The following CUL3 variants were observed in gnomAD, a reference collection of about 807,000 sequenced individuals.
CUL3 encodes cullin 3.
CUL3 carries 19 observed loss-of-function variants against 89.1 expected under a neutral mutation model. That is an observed-to-expected ratio of 0.21 (90% CI 0.15 to 0.31). The LOEUF (loss-of-function observed/expected upper bound fraction) is 0.31. Among genes scored for constraint, CUL3 ranks in the 10% least tolerant of loss-of-function variants. The probability of loss-of-function intolerance (pLI) is 1.00; values close to 1 mark genes in which losing one functional copy is unlikely to be tolerated. For missense variants in CUL3, 469 were observed against 942.3 expected, an observed-to-expected ratio of 0.50 and a Z score of 6.58; for synonymous variants, 351 against 308.4, an observed-to-expected ratio of 1.14 and a Z score of -1.45.
At chr2:224,513,818 A>AT (rs1280150215) in intron 4 of CUL3, among the ~76,000 whole-genome samples, 180 bp from the exon 5 acceptor site, 1 of 152,222 alleles carries the variant, frequency 6.6e-6, no homozygotes, top group African/African-American at 2.4e-5. Flanking sequence ...GTTGGAAAGC[A>AT]TATCTTGACT....
chr2:224,545,605 T>C (rs890016390), intron 2 of CUL3, among the ~76,000 whole-genome samples: 17 of 152,210 alleles, frequency 1.1e-4, no homozygotes, highest in African/African-American at 4.1e-4. Context: ...ATACAAAGTA[T>C]TTCCCCAGAC....
chr2:224,544,254 T>A (rs1361450879), intron 2 of CUL3, among the ~76,000 whole-genome samples: 2 of 152,228 alleles, frequency 1.3e-5, no homozygotes, highest in Non-Finnish European at 2.9e-5. Flanking sequence ...TAGTTTTGTA[T>A]GATTTTTTAA....
chr2:224,474,836 T>A (rs1023476401), intron 15 of CUL3, among the ~76,000 whole-genome samples: 2 of 152,178 alleles, frequency 1.3e-5, no homozygotes, highest in Non-Finnish European at 2.9e-5. Context: ...TTAACAGATG[T>A]AACGCCTTAG....
intron 15 of CUL3, among the ~76,000 whole-genome samples, chr2:224,475,096 C>A (rs1691266209): frequency 1.3e-5 from 2 of 152,172 alleles, no homozygotes; most frequent in Non-Finnish European, 2.9e-5. Context: ...CCGCTCACTG[C>A]AAGCTCCGCC....
intron 3 of CUL3, 61 bp from the exon 4 acceptor site, chr2:224,514,833 C>T: frequency 8.8e-7 from 1 of 1,139,302 alleles, no homozygotes. Context: ...TTATTGTGTG[C>T]TACAATAACA....
chr2:224,541,616 A>G (rs944252846), intron 2 of CUL3, among the ~76,000 whole-genome samples: 3 of 152,214 alleles, frequency 2.0e-5, no homozygotes, highest in Non-Finnish European at 4.4e-5. Context: ...TCACACACAA[A>G]TGTTCATAGC....
chr2:224,584,648 G>C (rs1695530700), intron 1 of CUL3, among the ~76,000 whole-genome samples: 1 of 151,474 alleles, frequency 6.6e-6, no homozygotes, highest in South Asian at 2.1e-4. Flanking sequence ...GGGAGGCGTG[G>C]GGCGGCCGAG....
chr2:224,495,788 G>A (rs764833528), intron 13 of CUL3, 44 bp downstream of exon 13: 1 of 1,525,004 alleles, frequency 6.6e-7, no homozygotes, highest in Non-Finnish European at 9.0e-7. Context: ...ACAAGTGAGA[G>A]TTAGAAACAA....
At chr2:224,491,183 C>T (rs1190707726) in intron 13 of CUL3, among the ~76,000 whole-genome samples, 1 of 152,098 alleles carries the variant, frequency 6.6e-6, no homozygotes, top group African/African-American at 2.4e-5. Context: ...ATATTTTGGA[C>T]ATTTCATTTC....
intron 1 of CUL3, among the ~76,000 whole-genome samples, chr2:224,564,985 G>A (rs1279004715): frequency 1.3e-5 from 2 of 152,020 alleles, no homozygotes; most frequent in Non-Finnish European, 2.9e-5. Context: ...AAGTACTACT[G>A]ACATTAACCC....
intron 3 of CUL3, among the ~76,000 whole-genome samples, chr2:224,518,919 T>C (rs747943263): frequency 6.6e-6 from 1 of 152,216 alleles, no homozygotes; most frequent in Non-Finnish European, 1.5e-5. Context: ...GCCTACAATG[T>C]CTGCTATCTT....
chr2:224,479,299 G>A (rs1691442658), intron 14 of CUL3: 1 of 150,518 alleles, frequency 6.6e-6, no homozygotes, highest in Admixed American at 6.6e-5. Context: ...GAATCCTTTG[G>A]ATAAAAATAC....
intron 7 of CUL3, 31 bp downstream of exon 7, chr2:224,506,827 T>C: frequency 6.2e-7 from 1 of 1,608,110 alleles, no homozygotes; most frequent in Non-Finnish European, 8.5e-7. Flanking sequence ...GCCTTTATCA[T>C]AAACACAGAG....
intron 12 of CUL3, among the ~76,000 whole-genome samples, chr2:224,496,741 C>T (rs1407958919): frequency 1.3e-5 from 2 of 152,100 alleles, no homozygotes; most frequent in Non-Finnish European, 2.9e-5. Flanking sequence ...TTCTCAAAGC[C>T]TATTCCTGCT....
intron 14 of CUL3, chr2:224,479,202 G>C (rs548068415): frequency 2.0e-4 from 31 of 152,304 alleles, no homozygotes; most frequent in African/African-American, 7.2e-4. Flanking sequence ...GCTGACTGAG[G>C]CATGGGCATA....
chr2:224,576,904 A>G (rs1695314080), intron 1 of CUL3, among the ~76,000 whole-genome samples: 1 of 152,198 alleles, frequency 6.6e-6, no homozygotes, highest in South Asian at 2.1e-4. Context: ...ACCCCTCAAG[A>G]GCCAACAGGA....
chr2:224,567,972 T>C (rs951325467), intron 1 of CUL3, among the ~76,000 whole-genome samples: 5 of 152,220 alleles, frequency 3.3e-5, no homozygotes, highest in African/African-American at 9.6e-5. Flanking sequence ...ATGGGAATTC[T>C]TAAATATACA....
rs1283967271 is a variant in CUL3 at position 224,474,257 on chromosome 2, T to C, written c.2295A>G (p.Thr765=). The C allele has an allele frequency of 6.2e-7, 1 of 1,613,850 alleles. No homozygotes were observed. The highest frequency in any genetic ancestry group is 1.7e-5 in the Admixed American group (1 of 59,998). Residue 765 remains threonine (T), a synonymous_variant, in exon 16 of 16, where the codon ACA becomes ACG. Transcript: ENST00000264414. ...ARTPEDRKVY[T]YVA ...TTCTGAACGCATTTTATGCTACATA[T>C]GTGTATACTTTGCGATCCTCAGGTG...
At chr2:224,550,524 A>AT (rs1559211010) in intron 2 of CUL3, among the ~76,000 whole-genome samples, 2 of 152,184 alleles carry the variant, frequency 1.3e-5, no homozygotes, top group African/African-American at 4.8e-5. Context: ...TTTGATTTGC[A>AT]TATCAAATTT....
Sources: allele counts gnomAD v4.1 joint callset (sites outside exome capture counted in the v4.1 genomes callset), GRCh38; gene constraint gnomAD v4.1.1; transcripts MANE v1.5; gene names NCBI Gene and HGNC (gene_info 2026-07-23, HGNC 2026-07-21).